The following SLC24A2 variants were observed in gnomAD, a reference collection of about 807,000 sequenced individuals.
SLC24A2 encodes sodium/potassium/calcium exchanger 2.
A neutral mutation model predicts 62.0 loss-of-function variants in SLC24A2; 36 were observed. That is an observed-to-expected ratio of 0.58 (90% CI 0.44 to 0.77). The LOEUF (loss-of-function observed/expected upper bound fraction) is 0.77. Ranked by LOEUF, SLC24A2 falls within the 30% of genes least tolerant of loss-of-function variation. The pLI is 0.00. For missense variants in SLC24A2, 846 were observed against 817.9 expected, an observed-to-expected ratio of 1.03 and a Z score of -0.42; for synonymous variants, 358 against 294.0, an observed-to-expected ratio of 1.22 and a Z score of -2.23.
the SLC24A2 span, among the ~76,000 whole-genome samples, chr9:19,967,060 C>A: frequency 3.3e-5 from 5 of 152,012 alleles, no homozygotes; most frequent in Admixed American, 3.3e-4. Context: ...GTTTACTGCA[C>A]CCATGTGTAA....
At chr9:19,853,499 TGA>T in the SLC24A2 span, among the ~76,000 whole-genome samples, 3 of 152,226 alleles carry the variant, frequency 2.0e-5, no homozygotes, top group East Asian at 3.8e-4. Context: ...CCTAATTTAT[TGA>T]GAGTTTTTAA....
At chr9:19,574,802 A>T (rs1835958551) in intron 6 of SLC24A2, among the ~76,000 whole-genome samples, 1 of 152,164 alleles carries the variant, frequency 6.6e-6, no homozygotes, top group Non-Finnish European at 1.5e-5. Context: ...GGAAATTAAA[A>T]GGTTCCTATT....
chr9:19,780,030 T>C (rs1822965750), intron 2 of SLC24A2, among the ~76,000 whole-genome samples: 1 of 151,962 alleles, frequency 6.6e-6, no homozygotes, highest in Non-Finnish European at 1.5e-5. Flanking sequence ...ACCACTGCAC[T>C]CCAGCCAGGG....
At chr9:19,538,639 C>T (rs1008131012) in intron 8 of SLC24A2, among the ~76,000 whole-genome samples, 10 of 109,528 alleles carry the variant, frequency 9.1e-5, no homozygotes, top group Admixed American at 6.0e-4. Flanking sequence ...CATCAATGTT[C>T]ATCAAGGATA....
intron 4 of SLC24A2, among the ~76,000 whole-genome samples, chr9:19,604,490 T>G (rs1288210338): frequency 2.0e-5 from 3 of 152,198 alleles, no homozygotes; most frequent in Non-Finnish European, 4.4e-5. Flanking sequence ...CTGGATTCAG[T>G]GGTTTTTGCT....
chr9:19,518,114 C>T (rs1424406922), intron 10 of SLC24A2, among the ~76,000 whole-genome samples: 6 of 152,088 alleles, frequency 3.9e-5, no homozygotes, highest in Non-Finnish European at 2.9e-5. Context: ...AAACTTTACT[C>T]AGAAAATGAT....
the SLC24A2 span, among the ~76,000 whole-genome samples, chr9:20,174,740 A>G: frequency 2.0e-5 from 3 of 152,070 alleles, no homozygotes; most frequent in Non-Finnish European, 4.4e-5. Context: ...GAACACGTCT[A>G]CATTGCTTGT....
chr9:19,713,653 T>C lies in SLC24A2; in HGVS notation c.930+72284A>G, dbSNP rs141755524. On this transcript the variant is annotated intron_variant, in intron 2 of 10. Transcript: ENST00000341998. Reference sequence around the variant, plus strand: ...AGGCCTGCATTTTCCTTCATAGTTATAAATTGAAAATGTGTTTCCAAGAGG... The same window carrying C: ...AGGCCTGCATTTTCCTTCATAGTTACAAATTGAAAATGTGTTTCCAAGAGG... 1.1e-4 allele frequency among the ~76,000 whole-genome samples: 16 copies of C among 152,302 alleles called. 1 individual carries two copies. The highest frequency in any genetic ancestry group is 3.6e-4 in the African/African-American group (15 of 41,568).
At chr9:20,068,518 C>T in the SLC24A2 span, among the ~76,000 whole-genome samples, 5 of 152,004 alleles carry the variant, frequency 3.3e-5, no homozygotes, top group East Asian at 1.9e-4. Context: ...CACTGAAAAC[C>T]CCGCCTTAAA....
intron 2 of SLC24A2, among the ~76,000 whole-genome samples, chr9:19,704,922 G>T (rs1318212277): frequency 6.6e-6 from 1 of 151,508 alleles, no homozygotes; most frequent in Non-Finnish European, 1.5e-5. Context: ...AGTATTTCTA[G>T]TGGTATTACT....
At chr9:20,164,373 A>T in the SLC24A2 span, among the ~76,000 whole-genome samples, 1 of 152,330 alleles carries the variant, frequency 6.6e-6, no homozygotes, top group South Asian at 2.1e-4. Context: ...CGAAAAAAAC[A>T]CATGAAAAAA....
the SLC24A2 span, among the ~76,000 whole-genome samples, chr9:20,234,166 C>G: frequency 6.6e-6 from 1 of 152,146 alleles, no homozygotes. Context: ...AACATTTTTT[C>G]CTTCATTTCA....
chr9:20,192,896 T>G, the SLC24A2 span, among the ~76,000 whole-genome samples: 1 of 152,202 alleles, frequency 6.6e-6, no homozygotes, highest in African/African-American at 2.4e-5. Context: ...CCAGCTAATT[T>G]GATTCTCTAC....
chr9:19,876,652 T>C, the SLC24A2 span, among the ~76,000 whole-genome samples: 1 of 152,192 alleles, frequency 6.6e-6, no homozygotes, highest in Non-Finnish European at 1.5e-5. Flanking sequence ...TGTTAACTAA[T>C]AGATATTATG....
chr9:20,029,626 C>T, the SLC24A2 span, among the ~76,000 whole-genome samples: 3 of 152,166 alleles, frequency 2.0e-5, no homozygotes, highest in Non-Finnish European at 4.4e-5. Flanking sequence ...TGTGAAATGT[C>T]AGGCAGTTTT....
chr9:20,135,811 C>A, the SLC24A2 span, among the ~76,000 whole-genome samples: 2 of 151,952 alleles, frequency 1.3e-5, no homozygotes. Flanking sequence ...TCATATATTT[C>A]GTGGAGTTGG....
chr9:19,793,994 T>C (rs1823349040), upstream of SLC24A2, among the ~76,000 whole-genome samples: 1 of 152,216 alleles, frequency 6.6e-6, no homozygotes, highest in Admixed American at 6.5e-5. Flanking sequence ...GCCTTTGCAT[T>C]TGGCTCATTT....
At chr9:19,905,613 A>T in the SLC24A2 span, among the ~76,000 whole-genome samples, 1 of 151,860 alleles carries the variant, frequency 6.6e-6, no homozygotes, top group Non-Finnish European at 1.5e-5. Flanking sequence ...GGGTTTCTCC[A>T]TGTTGGTCAG....
At chr9:20,021,602 A>ATCATG in the SLC24A2 span, among the ~76,000 whole-genome samples, 2 of 151,980 alleles carry the variant, frequency 1.3e-5, no homozygotes, top group African/African-American at 2.4e-5. Context: ...TGGCAGTACC[A>ATCATG]AAGACGTTTT....
Sources: gnomAD v4.1 joint callset for allele counts (sites outside exome capture counted in the v4.1 genomes callset) on GRCh38, gnomAD v4.1.1 for gene constraint, MANE v1.5 for transcripts, NCBI Gene and HGNC (gene_info 2026-07-23, HGNC 2026-07-21) for gene names.